Variants in CELF4 observed in about 807,000 individuals in gnomAD.
CELF4 encodes CUG-BP- and ETR-3-like factor 4.
In CELF4, 18 loss-of-function variants were observed where a neutral mutation model predicts 59.9. That is an observed-to-expected ratio of 0.30 (90% CI 0.21 to 0.45). The LOEUF is 0.45. Ranked by LOEUF, CELF4 falls within the 20% of genes least tolerant of loss-of-function variation. The pLI is 1.00. For missense variants in CELF4, 456 were observed against 689.0 expected (o/e 0.66, Z 3.79); for synonymous variants, 261 against 267.1 (o/e 0.98, Z 0.22).
chr18:37,343,028 C>T (rs1010785835), intron 2 of CELF4, among the ~76,000 whole-genome samples: 3 of 152,104 alleles, frequency 2.0e-5, no homozygotes, highest in Non-Finnish European at 4.4e-5. Context: ...AACGTGTGGG[C>T]GGCAGGTAGA....
intron 2 of CELF4, among the ~76,000 whole-genome samples, chr18:37,409,912 T>A (rs542116853): frequency 7.2e-5 from 11 of 152,324 alleles, no homozygotes; most frequent in African/African-American, 2.6e-4. Flanking sequence ...AAGTGACCCT[T>A]CACATGCAGC....
chr18:37,516,845 A>T (rs567542298), intron 1 of CELF4, among the ~76,000 whole-genome samples: 1 of 152,312 alleles, frequency 6.6e-6, no homozygotes, highest in South Asian at 2.1e-4. Flanking sequence ...TTAGCTGTGT[A>T]GCTCAGCTCT....
rs2097315140 is a variant in CELF4 at position 37,326,446 on chromosome 18, T to C, written c.370-4565A>G. On this transcript the variant is annotated intron_variant, in intron 2 of 12. Transcript: ENST00000420428. ...TGTCCTCCCCGGAGGGCCCTGTGGC[T>C]TGTGGCTGCTGGGAATCTGGGCTGG... 3.3e-5 allele frequency among the ~76,000 whole-genome samples: 5 copies of C among 152,192 alleles called. No individual in the cohort carries two copies. The South Asian group carries it at 1.0e-3, about 32-fold the overall frequency.
intron 1 of CELF4, among the ~76,000 whole-genome samples, chr18:37,537,421 G>T (rs1187837912): frequency 6.6e-6 from 1 of 152,182 alleles, no homozygotes; most frequent in African/African-American, 2.4e-5. Flanking sequence ...GTCCTTGGGG[G>T]TGTCTTTCTG....
At chr18:37,452,177 C>T (rs771351549) in intron 2 of CELF4, among the ~76,000 whole-genome samples, 12 of 152,200 alleles carry the variant, frequency 7.9e-5, no homozygotes, top group Admixed American at 1.3e-4. Context: ...CCCTGAGCCA[C>T]GCTTGGTAAT....
chr18:37,380,792 AATCCATCC>A (rs56181705), intron 2 of CELF4, among the ~76,000 whole-genome samples: 28 of 134,892 alleles, frequency 2.1e-4, no homozygotes, highest in Admixed American at 1.7e-3. Flanking sequence ...TTTCTCCATG[AATCCATCC>A]ATCCATCCAT....
chr18:37,471,248 GT>G (rs762102665), intron 2 of CELF4, among the ~76,000 whole-genome samples: 29 of 152,148 alleles, frequency 1.9e-4, no homozygotes, highest in Non-Finnish European at 3.4e-4. Flanking sequence ...CTCAGCTCCT[GT>G]TCCTGATGTC....
At chr18:37,270,948 G>T (rs2090929262) in intron 7 of CELF4, 31 bp from the exon 8 acceptor site, 1 of 1,563,476 alleles carries the variant, frequency 6.4e-7, no homozygotes. Context: ...GGGTGGAGGA[G>T]GAGGGGAGGC....
intron 2 of CELF4, among the ~76,000 whole-genome samples, chr18:37,413,607 C>T (rs895947398): frequency 4.6e-5 from 7 of 152,166 alleles, no homozygotes; most frequent in Admixed American, 3.9e-4. Context: ...CCAGATGACC[C>T]CATGGACCAG....
At chr18:37,372,600 G>A (rs2098913610) in intron 2 of CELF4, among the ~76,000 whole-genome samples, 1 of 152,022 alleles carries the variant, frequency 6.6e-6, no homozygotes, top group African/African-American at 2.4e-5. Flanking sequence ...CCTGCATGTT[G>A]TGCACATGTA....
At chr18:37,548,193 A>G (rs1331407404) in intron 1 of CELF4, among the ~76,000 whole-genome samples, 1 of 152,044 alleles carries the variant, frequency 6.6e-6, no homozygotes, top group Non-Finnish European at 1.5e-5. Flanking sequence ...GTGTGTGATA[A>G]TTTAAGAAAA....
chr18:37,401,606 T>C (rs1348276479), intron 2 of CELF4, among the ~76,000 whole-genome samples: 2 of 152,166 alleles, frequency 1.3e-5, no homozygotes, highest in African/African-American at 2.4e-5. Context: ...TCCAGGAGCT[T>C]GCCTAAGACT....
At chr18:37,508,353 G>C (rs952513593) in intron 1 of CELF4, among the ~76,000 whole-genome samples, 1 of 152,168 alleles carries the variant, frequency 6.6e-6, no homozygotes, top group Admixed American at 6.5e-5. Context: ...GAGGCAGGAG[G>C]GTGACTCTCC....
At chr18:37,514,140 CT>C (rs893710122) in intron 1 of CELF4, among the ~76,000 whole-genome samples, 19 of 152,128 alleles carry the variant, frequency 1.2e-4, no homozygotes, top group African/African-American at 4.6e-4. Context: ...GTACCTCTTT[CT>C]GCATTTCCTG....
chr18:37,275,269 CCCGGGCCAGGGA>C, intron 3 of CELF4, 26 bp from the exon 4 acceptor site: 1 of 1,612,428 alleles, frequency 6.2e-7, no homozygotes, highest in Non-Finnish European at 8.5e-7. Flanking sequence ...GAGATGCTTA[CCCGGGCCAGGGA>C]CCGGGCTGCG....
At chr18:37,283,764 A>G (rs556727875) in intron 3 of CELF4, among the ~76,000 whole-genome samples, 1 of 151,866 alleles carries the variant, frequency 6.6e-6, no homozygotes, top group Non-Finnish European at 1.5e-5. Flanking sequence ...GGGGCTGAGA[A>G]AGACCTAAAA....
chr18:37,357,768 C>T (rs1169517417), intron 2 of CELF4, among the ~76,000 whole-genome samples: 1 of 152,222 alleles, frequency 6.6e-6, no homozygotes, highest in Non-Finnish European at 1.5e-5. Context: ...AAACCTACCT[C>T]TTGCATCAGC....
chr18:37,475,967 C>T (rs2099847726), intron 2 of CELF4, among the ~76,000 whole-genome samples: 1 of 152,170 alleles, frequency 6.6e-6, no homozygotes, highest in Non-Finnish European at 1.5e-5. Flanking sequence ...GACATATGGT[C>T]CAAACTGCAT....
chr18:37,375,874 G>C lies in CELF4; in HGVS notation c.370-53993C>G, dbSNP rs547151257. Among the ~76,000 whole-genome samples the C allele has an allele frequency of 7.9e-5, 12 of 152,236 alleles. No homozygotes were observed. The East Asian group carries it at 2.3e-3, about 29-fold the overall frequency. ...CCCCGGTCCCAGACCCTGGCCTGGG[G>C]AGCCTTCCCCATTCCAGCCCCTCCC... On this transcript the variant is annotated intron_variant, in intron 2 of 12. Coordinates refer to ENST00000420428, the MANE Select transcript of CELF4 (RefSeq NM_020180.4).
Sources: allele counts gnomAD v4.1 joint callset (sites outside exome capture counted in the v4.1 genomes callset), GRCh38; gene constraint gnomAD v4.1.1; transcripts MANE v1.5; gene names NCBI Gene and HGNC (gene_info 2026-07-23, HGNC 2026-07-21).